Variants in SPAST observed in about 807,000 individuals in gnomAD.
The protein encoded by SPAST is spastin.
In SPAST, 30 loss-of-function variants were observed where a neutral mutation model predicts 76.6. The ratio of observed to expected loss-of-function variants is 0.39; its 90% CI spans 0.29 to 0.53. SPAST has a LOEUF of 0.53. SPAST is among the 20% of genes least tolerant of loss of function. SPAST has a pLI of 0.68. For synonymous variants in SPAST, 305 were observed against 281.0 expected (o/e 1.09, Z -0.86); for missense variants, 717 against 770.5 (o/e 0.93, Z 0.82).
intron 4 of SPAST, among the ~76,000 whole-genome samples, chr2:32,100,278 T>C (rs571134451): frequency 6.6e-6 from 1 of 152,154 alleles, no homozygotes; most frequent in South Asian, 2.1e-4. Flanking sequence ...GAGCATTTTT[T>C]CATATCTTTG....
Position 32,110,883 on chromosome 2 carries a change from G to A in SPAST, c.683-3755G>A, listed in dbSNP as rs934883861. Among the ~76,000 whole-genome samples the A allele has an allele frequency of 6.6e-4, 65 of 98,052 alleles. 1 individual carries two copies. The highest frequency in any genetic ancestry group is 1.1e-3 in the Non-Finnish European group (56 of 50,332). 64.3% of individuals were successfully genotyped at this position (98,052 alleles called of 152,430 possible). ...ATATATACAGTATACTATATCGTGTGTATAGAGTATATATACAGTATACTA... is the reference window on the plus strand; with the variant it reads ...ATATATACAGTATACTATATCGTGTATATAGAGTATATATACAGTATACTA... On this transcript the variant is annotated intron_variant, in intron 4 of 16. Transcript: ENST00000315285.
chr2:32,110,737 T>TATAGTATATATA, intron 4 of SPAST, among the ~76,000 whole-genome samples: 1 of 131,962 alleles, frequency 7.6e-6, no homozygotes, highest in African/African-American at 2.9e-5. Flanking sequence ...TATAGTACAC[T>TATAGTATATATA]GTATAGTATA....
At chr2:32,089,637 G>C (rs754335012) in intron 3 of SPAST, 32 bp downstream of exon 3, 1 of 1,106,678 alleles carries the variant, frequency 9.0e-7, no homozygotes, top group Non-Finnish European at 1.4e-6. Context: ...GATGTGGGAT[G>C]TATTGGAAAT....
chr2:32,064,289 A>ACAG, intron 1 of SPAST, 43 bp downstream of exon 1: 1 of 307,986 alleles, frequency 3.2e-6, no homozygotes, highest in Non-Finnish European at 5.3e-6. Context: ...GCCGGGAAGA[A>ACAG]GGCGGTGGGG....
chr2:32,133,046 C>CA (rs11431898), intron 9 of SPAST, among the ~76,000 whole-genome samples: 67,730 of 144,876 alleles, frequency 0.47, 15,393 homozygotes, highest in Admixed American at 0.5. Flanking sequence ...AACTCCATCT[C>CA]AAAAAAAAAA....
chr2:32,083,277 A>G (rs1257734246), intron 1 of SPAST, among the ~76,000 whole-genome samples: 3 of 152,030 alleles, frequency 2.0e-5, no homozygotes, highest in Admixed American at 1.3e-4. Context: ...AATTTTATGA[A>G]TAAAGGTACT....
intron 1 of SPAST, among the ~76,000 whole-genome samples, chr2:32,068,915 G>A (rs572018665): frequency 6.6e-6 from 1 of 150,612 alleles, no homozygotes; most frequent in East Asian, 2.0e-4. Context: ...AAAAGGCTGG[G>A]CATGGTGGCT....
intron 4 of SPAST, among the ~76,000 whole-genome samples, chr2:32,110,633 GTAGTATATATAGTATATA>G (rs893632952): frequency 1.5e-5 from 2 of 130,330 alleles, no homozygotes; most frequent in African/African-American, 6.3e-5. Flanking sequence ...TATAGTATAT[GTAGTATATATAGTATATA>G]TAGTATAGTA....
chr2:32,099,016 G>A, intron 4 of SPAST, 125 bp downstream of exon 4: 2 of 732,328 alleles, frequency 2.7e-6, no homozygotes, highest in Non-Finnish European at 5.0e-6. Context: ...TCACAGGGCT[G>A]TGTTGAAAAT....
chr2:32,081,834 C>T (rs1347003532), intron 1 of SPAST, among the ~76,000 whole-genome samples: 1 of 141,568 alleles, frequency 7.1e-6, no homozygotes, highest in South Asian at 2.4e-4. Context: ...ATGCTGGGCT[C>T]ATCTCTGCTG....
intron 7 of SPAST, among the ~76,000 whole-genome samples, chr2:32,118,425 TAGAA>T (rs1303776213): frequency 4.6e-5 from 7 of 152,216 alleles, no homozygotes; most frequent in African/African-American, 1.2e-4. Flanking sequence ...ATTATTAAAA[TAGAA>T]AGCATTTGTC....
intron 13 of SPAST, 88 bp from the exon 14 acceptor site, chr2:32,143,248 C>T: frequency 1.3e-6 from 1 of 797,830 alleles, no homozygotes; most frequent in Non-Finnish European, 2.1e-6. Context: ...GCCTGGGTAA[C>T]AGCACAAGAC....
chr2:32,090,011 G>A (rs934315034), intron 3 of SPAST, among the ~76,000 whole-genome samples: 3 of 152,166 alleles, frequency 2.0e-5, no homozygotes, highest in East Asian at 1.9e-4. Flanking sequence ...TGATCCACCC[G>A]CCTCGGCCTC....
intron 8 of SPAST, chr2:32,127,330 C>T: frequency 2.8e-6 from 1 of 362,170 alleles, no homozygotes; most frequent in Non-Finnish European, 5.3e-6. Flanking sequence ...GTTGGCCAGG[C>T]TGGTGTCGAA....
At chr2:32,131,850 C>CG (rs1442178443) in intron 9 of SPAST, among the ~76,000 whole-genome samples, 1 of 151,562 alleles carries the variant, frequency 6.6e-6, no homozygotes, top group Non-Finnish European at 1.5e-5. Context: ...TTAGTAGAGA[C>CG]GGGGTTTCAC....
chr2:32,102,580 C>G (rs1338424657), intron 4 of SPAST, among the ~76,000 whole-genome samples: 1 of 152,186 alleles, frequency 6.6e-6, no homozygotes, highest in Non-Finnish European at 1.5e-5. Context: ...AGTTTTTGCC[C>G]ATTCAGTATG....
chr2:32,090,731 A>G (rs1677676349), intron 3 of SPAST, among the ~76,000 whole-genome samples: 1 of 152,108 alleles, frequency 6.6e-6, no homozygotes, highest in African/African-American at 2.4e-5. Flanking sequence ...GTCATGTAAT[A>G]TTTCCTACAG....
chr2:32,128,508 A>G, intron 9 of SPAST, 29 bp downstream of exon 9: 1 of 1,407,710 alleles, frequency 7.1e-7, no homozygotes. Flanking sequence ...ATATTGTCGT[A>G]TTTTAAGTTA....
At chr2:32,072,228 A>G (rs2148694421) in intron 1 of SPAST, among the ~76,000 whole-genome samples, 1 of 151,994 alleles carries the variant, frequency 6.6e-6, no homozygotes, top group Non-Finnish European at 1.5e-5. Flanking sequence ...TATTTTTAGT[A>G]GAGACGGGAT....
Sources: gnomAD v4.1 joint callset for allele counts (sites outside exome capture counted in the v4.1 genomes callset) on GRCh38, gnomAD v4.1.1 for gene constraint, MANE v1.5 for transcripts, NCBI Gene and HGNC (gene_info 2026-07-23, HGNC 2026-07-21) for gene names.